The following NEMP2 variants were observed in gnomAD, a reference collection of about 807,000 sequenced individuals.
The protein encoded by NEMP2 is UPF0571 transmembrane protein.
A neutral mutation model predicts 54.2 loss-of-function variants in NEMP2; 53 were observed. The observed-to-expected ratio is 0.98, with a 90% CI of 0.78 to 1.23. NEMP2 has a LOEUF of 1.23. Among genes scored for constraint, NEMP2 ranks in the 50% most tolerant of loss-of-function variants. The probability of loss-of-function intolerance (pLI) is 0.00; values close to 1 mark genes in which losing one functional copy is unlikely to be tolerated. For synonymous variants in NEMP2, 197 were observed against 190.3 expected (o/e 1.04, Z -0.29); for missense variants, 455 against 511.3 (o/e 0.89, Z 1.06).
the NEMP2 span, among the ~76,000 whole-genome samples, chr2:190,423,934 T>C: frequency 6.6e-6 from 1 of 152,258 alleles, no homozygotes; most frequent in Admixed American, 6.5e-5. This position sits in a 1 kb window ranked among gnomAD's most constrained non-coding sequence, Gnocchi z 4.3. Context: ...TTATATATCC[T>C]GTCTATCCTC....
downstream of NEMP2, chr2:190,500,133 A>C: frequency 3.7e-6 from 6 of 1,614,152 alleles, no homozygotes; most frequent in Non-Finnish European, 5.1e-6. This position sits in a 1 kb window ranked among gnomAD's most constrained non-coding sequence, Gnocchi z 5.3. Flanking sequence ...TCTCAGACGC[A>C]GACCAGCCCC....
At chr2:190,546,324 A>C in the NEMP2 span, among the ~76,000 whole-genome samples, 1 of 152,040 alleles carries the variant, frequency 6.6e-6, no homozygotes, top group Non-Finnish European at 1.5e-5. This position sits in a 1 kb window ranked among gnomAD's most constrained non-coding sequence, Gnocchi z 5.1. Flanking sequence ...TTTGCTTGGG[A>C]TTTACATTGT....
chr2:190,499,397 T>C (rs1689903533), downstream of NEMP2, among the ~76,000 whole-genome samples: 1 of 152,196 alleles, frequency 6.6e-6, no homozygotes, highest in Admixed American at 6.5e-5. The surrounding 1 kb of genome is among the most constrained non-coding windows in gnomAD (Gnocchi z 6.0). Flanking sequence ...TTTATGGAAA[T>C]TGCTGCTGGT....
chr2:190,563,211 C>T, the NEMP2 span, among the ~76,000 whole-genome samples: 1 of 152,160 alleles, frequency 6.6e-6, no homozygotes, highest in Admixed American at 6.5e-5. This position sits in a 1 kb window ranked among gnomAD's most constrained non-coding sequence, Gnocchi z 4.3. Context: ...GCCACCCACT[C>T]ATCACCCACA....
intron 5 of NEMP2, among the ~76,000 whole-genome samples, chr2:190,517,319 C>G (rs1043393589): frequency 6.6e-6 from 1 of 151,356 alleles, no homozygotes; most frequent in African/African-American, 2.4e-5. Context: ...ATCATGAAAA[C>G]TTAATACTCA....
the NEMP2 span, among the ~76,000 whole-genome samples, chr2:190,612,800 G>A: frequency 9.9e-5 from 15 of 151,280 alleles, no homozygotes; most frequent in African/African-American, 3.6e-4. Flanking sequence ...TTATTTCCTG[G>A]TTCCTTTTAC....
At chr2:190,472,337 G>C in the NEMP2 span, among the ~76,000 whole-genome samples, 3 of 152,064 alleles carry the variant, frequency 2.0e-5, no homozygotes, top group Non-Finnish European at 4.4e-5. Flanking sequence ...TAAAAACCTT[G>C]AAAAAAGATT....
At chr2:190,555,001 G>T in the NEMP2 span, among the ~76,000 whole-genome samples, 4 of 152,204 alleles carry the variant, frequency 2.6e-5, no homozygotes, top group Non-Finnish European at 5.9e-5. The surrounding 1 kb of genome is among the most constrained non-coding windows in gnomAD (Gnocchi z 4.8). Context: ...CTCTGCTGGT[G>T]ATACCCAGGC....
rs997886881 is a variant in NEMP2 at position 190,534,050 on chromosome 2, G to C, written c.97+509C>G. On this transcript the variant is annotated intron_variant, in intron 1 of 8. Transcript: ENST00000409150. ...GGGACCGTTATGTTTACTCGCTCAA[G>C]GTCACAACAGTCAGGGGCAGAAGAA... 4.4e-6 allele frequency: 4 copies of C among 900,264 alleles called. 1 individual carries two copies. The East Asian group carries it at 6.3e-4, about 142-fold the overall frequency. The allele number at this position is 900,264 out of a possible 1,614,324, so 55.8% of individuals were successfully genotyped here.
chr2:190,473,385 G>A, the NEMP2 span, among the ~76,000 whole-genome samples: 1 of 152,168 alleles, frequency 6.6e-6, no homozygotes, highest in Non-Finnish European at 1.5e-5. Flanking sequence ...TAAAGGGATG[G>A]AGGAAGATCT....
In NEMP2 at chr2:190,518,774, T is replaced by C. The variant is rs1188072189; in HGVS notation, c.480A>G (p.Ala160=). The part of the protein sequence containing the change: ...MDFKLFLVFV[A]GVFLFFYART... ...TTGCATAAAAGAAAAGAAAAACTCC[T>C]GCCACAAACACAAGGAAGAGTTTGA... Residue 160 remains alanine (A), a synonymous_variant, in exon 4 of 9, where the codon GCA becomes GCG. Transcript: ENST00000409150. The C allele has an allele frequency of 3.2e-6, 5 of 1,546,786 alleles. No individual in the cohort carries two copies. The highest frequency in any genetic ancestry group is 4.4e-6 in the Non-Finnish European group (5 of 1,145,982).
the NEMP2 span, among the ~76,000 whole-genome samples, chr2:190,577,483 T>C: frequency 6.6e-6 from 1 of 152,326 alleles, no homozygotes; most frequent in South Asian, 2.1e-4. The surrounding 1 kb of genome is among the most constrained non-coding windows in gnomAD (Gnocchi z 4.8). Flanking sequence ...CCCTCATTTT[T>C]CTTAATATTT....
At chr2:190,431,696 A>AGAGAGG in the NEMP2 span, among the ~76,000 whole-genome samples, 1 of 92,186 alleles carries the variant, frequency 1.1e-5, no homozygotes, top group Non-Finnish European at 3.2e-5. This position sits in a 1 kb window ranked among gnomAD's most constrained non-coding sequence, Gnocchi z 4.4. Context: ...GACCGTGGAA[A>AGAGAGG]GAGAGGGAGA....
chr2:190,433,436 G>A, the NEMP2 span: 2 of 152,274 alleles, frequency 1.3e-5, no homozygotes, highest in Admixed American at 1.3e-4. The surrounding 1 kb of genome is among the most constrained non-coding windows in gnomAD (Gnocchi z 4.5). Context: ...AGCAGCAAAA[G>A]ATTGGATTTT....
At chr2:190,497,525 G>A in the NEMP2 span, 3 of 1,614,202 alleles carry the variant, frequency 1.9e-6, no homozygotes, top group Non-Finnish European at 2.5e-6. The surrounding 1 kb of genome is among the most constrained non-coding windows in gnomAD (Gnocchi z 5.2). Context: ...ACAGACAGAA[G>A]ATGTCATGCC....
chr2:190,574,964 C>G, the NEMP2 span, among the ~76,000 whole-genome samples: 6 of 152,032 alleles, frequency 3.9e-5, no homozygotes, highest in Non-Finnish European at 7.4e-5. Flanking sequence ...AAGCGATTCT[C>G]CTGCCTCAGC....
chr2:190,444,304 AT>A, the NEMP2 span, among the ~76,000 whole-genome samples: 1 of 152,212 alleles, frequency 6.6e-6, no homozygotes, highest in South Asian at 2.1e-4. Flanking sequence ...GTGTATGAGT[AT>A]TCTTGGTCAT....
chr2:190,425,676 G>A, the NEMP2 span, among the ~76,000 whole-genome samples: 1 of 152,062 alleles, frequency 6.6e-6, no homozygotes, highest in African/African-American at 2.4e-5. The surrounding 1 kb of genome is among the most constrained non-coding windows in gnomAD (Gnocchi z 4.3). Flanking sequence ...TATTGCATCA[G>A]CCTTGTATTT....
the NEMP2 span, among the ~76,000 whole-genome samples, chr2:190,442,297 G>A: frequency 6.6e-6 from 1 of 152,122 alleles, no homozygotes; most frequent in African/African-American, 2.4e-5. Flanking sequence ...GGCCCAAAGA[G>A]CCTCAGATTA....
Sources: gnomAD v4.1 joint callset for allele counts (sites outside exome capture counted in the v4.1 genomes callset) on GRCh38, gnomAD v4.1.1 for gene constraint, Gnocchi (gnomAD v3.1) non-coding constraint, MANE v1.5 for transcripts, NCBI Gene and HGNC (gene_info 2026-07-23, HGNC 2026-07-21) for gene names.